Variants in CEP83 observed in about 807,000 individuals in gnomAD.
CEP83 encodes centrosomal protein of 83 kDa.
CEP83 carries 70 observed loss-of-function variants against 101.9 expected under a neutral mutation model. That is an observed-to-expected ratio of 0.69 (90% CI 0.57 to 0.84). CEP83 has a LOEUF of 0.84. Among genes scored for constraint, CEP83 ranks in the 40% least tolerant of loss-of-function variants. The pLI, the probability that CEP83 is intolerant of heterozygous loss-of-function variation, is 0.00. For synonymous variants in CEP83, 264 were observed against 267.9 expected, an observed-to-expected ratio of 0.99 and a Z score of 0.14; for missense variants, 715 against 787.2, an observed-to-expected ratio of 0.91 and a Z score of 1.10.
chr12:94,308,552 A>C lies in CEP83; in HGVS notation c.*261T>G. 1 of 266,140 alleles carries C rather than the reference A, an allele frequency of 3.8e-6. No homozygotes were observed. The highest frequency in any genetic ancestry group is 2.2e-5 in the African/African-American group (1 of 44,726). 16.5% of individuals were successfully genotyped at this position (266,140 alleles called of 1,614,324 possible). A position where few individuals can be genotyped will look rare whatever the true frequency, so the allele number is the denominator to read the frequency against. ...GTAAAAATTTTAAAACTTGACTCTA[A>C]CTAGTTCCTTTTTGTTTTACATTCT... On this transcript the variant is annotated 3_prime_UTR_variant, in exon 17 of 17. Transcript: ENST00000397809.
chr12:94,273,941 A>C, the CEP83 span, among the ~76,000 whole-genome samples: 3 of 151,992 alleles, frequency 2.0e-5, no homozygotes, highest in African/African-American at 7.3e-5. Flanking sequence ...GCTCTGCGTC[A>C]CCATCTCCCA....
chr12:94,309,535 T>C (rs1475437820), intron 16 of CEP83, among the ~76,000 whole-genome samples: 1 of 152,222 alleles, frequency 6.6e-6, no homozygotes, highest in South Asian at 2.1e-4. Flanking sequence ...CAAAGCATTT[T>C]TCGTTAGTAT....
the CEP83 span, chr12:94,300,973 G>A: frequency 6.2e-7 from 1 of 1,613,764 alleles, no homozygotes; most frequent in Non-Finnish European, 8.5e-7. Context: ...ACATTAAGAA[G>A]ACACCACATA....
intron 11 of CEP83, among the ~76,000 whole-genome samples, chr12:94,346,666 T>C (rs988723078): frequency 2.6e-5 from 4 of 152,192 alleles, no homozygotes; most frequent in African/African-American, 7.2e-5. Flanking sequence ...GATCTGATGC[T>C]ATCTCCATAT....
the CEP83 span, chr12:94,279,961 A>C: frequency 2.2e-6 from 1 of 464,680 alleles, no homozygotes; most frequent in African/African-American, 2.0e-5. Context: ...TTGCATCATG[A>C]AATACAGAAA....
chr12:94,333,359 C>T, intron 13 of CEP83, 123 bp downstream of exon 13: 1 of 751,834 alleles, frequency 1.3e-6, no homozygotes, highest in Non-Finnish European at 2.1e-6. Flanking sequence ...GACCATTGTA[C>T]ACTATTAAAG....
the CEP83 span, among the ~76,000 whole-genome samples, chr12:94,288,357 C>T: frequency 6.6e-6 from 1 of 152,206 alleles, no homozygotes; most frequent in Non-Finnish European, 1.5e-5. Context: ...CCAACAGGAT[C>T]ACTCTTGAGT....
intron 11 of CEP83, among the ~76,000 whole-genome samples, chr12:94,346,439 C>T (rs567324206): frequency 2.1e-5 from 3 of 140,826 alleles, no homozygotes; most frequent in South Asian, 2.2e-4. Context: ...CAGAGCGAGA[C>T]GCCGTCTCAA....
chr12:94,277,358 G>T, the CEP83 span, among the ~76,000 whole-genome samples: 3 of 152,116 alleles, frequency 2.0e-5, no homozygotes, highest in African/African-American at 7.2e-5. Flanking sequence ...GAGTTAGGGG[G>T]ACATCAATAT....
At chr12:94,294,564 C>G in the CEP83 span, 1 of 1,027,582 alleles carries the variant, frequency 9.7e-7, no homozygotes, top group Non-Finnish European at 1.5e-6. Context: ...TATTGTTAAC[C>G]TTTTGTTCTC....
rs886692784 is a variant in CEP83 at position 94,419,054 on chromosome 12, TA to T, written c.-101-6464del. On this transcript the variant is annotated intron_variant, in intron 2 of 16. Coordinates refer to ENST00000397809, the MANE Select transcript of CEP83 (RefSeq NM_016122.3). The stretch of plus-strand genomic sequence containing the variant: ...ACAAAGGAATAGAAGGTATAAAAAC[TA>T]AAAAAAAAAAATCTTTATATACACA... Among the ~76,000 whole-genome samples the T allele has an allele frequency of 4.7e-3, 676 of 142,408 alleles. 4 individuals carry two copies. Among genetic ancestry groups the T allele is most frequent in the African/African-American group, 0.014 (548 of 39,150 alleles). The allele number at this position is 142,408 out of a possible 152,430, so 93.4% of individuals were successfully genotyped here.
chr12:94,351,650 AG>A (rs1397547356), intron 11 of CEP83, among the ~76,000 whole-genome samples: 2 of 152,140 alleles, frequency 1.3e-5, no homozygotes, highest in Non-Finnish European at 2.9e-5. Context: ...TGCAGTCCCT[AG>A]GGTTTAAGAA....
At chr12:94,278,451 CTG>C in the CEP83 span, among the ~76,000 whole-genome samples, 1 of 152,244 alleles carries the variant, frequency 6.6e-6, no homozygotes, top group Non-Finnish European at 1.5e-5. Context: ...TTCCCTAGTT[CTG>C]TGTTTTCACA....
intron 11 of CEP83, among the ~76,000 whole-genome samples, chr12:94,342,784 CAA>C (rs576443841): frequency 7.1e-6 from 1 of 141,398 alleles, no homozygotes; most frequent in Admixed American, 7.1e-5. Context: ...ACAAGTCAAG[CAA>C]AAAAAAAAGA....
At chr12:94,389,154 A>C (rs567300828) in intron 6 of CEP83, among the ~76,000 whole-genome samples, 16 of 152,288 alleles carry the variant, frequency 1.1e-4, no homozygotes, top group South Asian at 4.1e-4. Context: ...AATGCCATGA[A>C]ATAAATATGT....
intron 11 of CEP83, among the ~76,000 whole-genome samples, chr12:94,343,674 T>TA (rs1325884879): frequency 6.7e-6 from 1 of 150,030 alleles, no homozygotes; most frequent in Admixed American, 6.6e-5. Context: ...TATTTTTTTT[T>TA]AGTAGAGACG....
intron 2 of CEP83, among the ~76,000 whole-genome samples, chr12:94,433,818 T>C (rs2065814180): frequency 6.6e-6 from 1 of 151,950 alleles, no homozygotes; most frequent in Non-Finnish European, 1.5e-5. Flanking sequence ...GAAACCAAGA[T>C]AGGAAAGCAA....
chr12:94,364,073 A>C (rs1360838586), intron 11 of CEP83, among the ~76,000 whole-genome samples: 1 of 152,120 alleles, frequency 6.6e-6, no homozygotes, highest in Admixed American at 6.5e-5. Flanking sequence ...TAAAAGACAG[A>C]AAGTGAAATG....
At chr12:94,301,662 G>A (rs1396960250), downstream of CEP83, among the ~76,000 whole-genome samples, 1 of 152,152 alleles carries the variant, frequency 6.6e-6, no homozygotes, top group African/African-American at 2.4e-5. Flanking sequence ...TGTGCCTAAT[G>A]GATCTTTGAA....
Sources: allele counts gnomAD v4.1 joint callset (sites outside exome capture counted in the v4.1 genomes callset), GRCh38; gene constraint gnomAD v4.1.1; transcripts MANE v1.5; gene names NCBI Gene and HGNC (gene_info 2026-07-23, HGNC 2026-07-21).